Variants in CALD1 observed in about 807,000 individuals in gnomAD.
CALD1 encodes the protein caldesmon.
In CALD1, 33 loss-of-function variants were observed where a neutral mutation model predicts 99.9. The ratio of observed to expected loss-of-function variants is 0.33; its 90% CI spans 0.25 to 0.44. The LOEUF (loss-of-function observed/expected upper bound fraction) is 0.44. Ranked by LOEUF, CALD1 falls within the 20% of genes least tolerant of loss-of-function variation. The pLI is 1.00. For synonymous variants in CALD1, 310 were observed against 325.0 expected (o/e 0.95, Z 0.50); for missense variants, 861 against 962.1 (o/e 0.89, Z 1.39).
intron 3 of CALD1, among the ~76,000 whole-genome samples, chr7:134,890,060 C>A (rs943216655): frequency 1.3e-5 from 2 of 152,126 alleles, no homozygotes; most frequent in South Asian, 4.1e-4. Context: ...AGGCACCTGC[C>A]ACCAAGCCCG....
At chr7:134,768,460 A>T (rs1796846120) in intron 1 of CALD1, among the ~76,000 whole-genome samples, 1 of 152,178 alleles carries the variant, frequency 6.6e-6, no homozygotes, top group Non-Finnish European at 1.5e-5. Flanking sequence ...TATGGTGTCA[A>T]AGCCTTTGTA....
intron 1 of CALD1, among the ~76,000 whole-genome samples, chr7:134,748,708 T>TCCCCCCCC (rs35401566): frequency 1.7e-4 from 22 of 132,332 alleles, no homozygotes; most frequent in Admixed American, 2.3e-4. Flanking sequence ...TGAAACTCCA[T>TCCCCCCCC]CCCCCCGCCC....
chr7:134,935,044 G>A (rs1056492951), intron 5 of CALD1, among the ~76,000 whole-genome samples: 38 of 152,130 alleles, frequency 2.5e-4, no homozygotes, highest in Non-Finnish European at 3.8e-4. Flanking sequence ...CTTGCAGAAA[G>A]CCATTAATTT....
intron 1 of CALD1, among the ~76,000 whole-genome samples, chr7:134,800,902 A>G (rs957105190): frequency 1.3e-5 from 2 of 151,964 alleles, no homozygotes; most frequent in South Asian, 2.1e-4. Context: ...TGAATACACT[A>G]TTTTCTGAAT....
intron 9 of CALD1, among the ~76,000 whole-genome samples, chr7:134,956,153 T>C (rs1476038267): frequency 1.3e-5 from 2 of 152,156 alleles, no homozygotes; most frequent in Admixed American, 6.5e-5. Flanking sequence ...CTTTTGTCTT[T>C]GTAGGAAATC....
intron 2 of CALD1, among the ~76,000 whole-genome samples, chr7:134,850,844 CT>C (rs1214407258): frequency 1.3e-5 from 2 of 152,158 alleles, no homozygotes; most frequent in Non-Finnish European, 1.5e-5. Flanking sequence ...GTAATTGAAT[CT>C]TGGGAGTGGG....
the CALD1 span, among the ~76,000 whole-genome samples, chr7:134,711,658 C>CTATATATATATATA: frequency 4.5e-5 from 3 of 66,950 alleles, no homozygotes; most frequent in African/African-American, 2.0e-4. Flanking sequence ...CTCTCTCTCT[C>CTATATATATATATA]TCTATATATA....
At chr7:134,962,170 T>C (rs1808317847) in intron 13 of CALD1, 1 of 152,108 alleles carries the variant, frequency 6.6e-6, no homozygotes, top group Non-Finnish European at 1.5e-5. Flanking sequence ...AAAAATTTGA[T>C]CCAGAACTTG....
rs978598929 is a variant in CALD1, at chr7:134,781,541, A to T, written c.-130+1792A>T. ...TGAATTTTAGGCAGTTCTTTGTGCT[A>T]CTTCCTTCCTGTTGAATGTTACCTA... is the stretch of plus-strand genomic sequence containing the variant. On this transcript the variant is annotated intron_variant, in intron 1 of 14. Coordinates refer to ENST00000361675, the MANE Select transcript of CALD1 (RefSeq NM_033138.4). 9.9e-5 allele frequency among the ~76,000 whole-genome samples: 15 copies of T among 152,206 alleles called. 1 individual carries two copies. The highest frequency in any genetic ancestry group is 3.6e-4 in the African/African-American group (15 of 41,458).
At chr7:134,936,371 G>C (rs1456469049) in intron 6 of CALD1, among the ~76,000 whole-genome samples, 4 of 152,240 alleles carry the variant, frequency 2.6e-5, no homozygotes, top group African/African-American at 9.6e-5. Flanking sequence ...TATACAGATA[G>C]AATGGCACGG....
At chr7:134,832,944 A>G (rs1478224061) in intron 1 of CALD1, among the ~76,000 whole-genome samples, 1 of 152,176 alleles carries the variant, frequency 6.6e-6, no homozygotes, top group Non-Finnish European at 1.5e-5. Flanking sequence ...TCACATCTTT[A>G]TGTGCCAGAT....
intron 3 of CALD1, among the ~76,000 whole-genome samples, chr7:134,904,626 G>T (rs1803237709): frequency 1.3e-5 from 2 of 152,054 alleles, no homozygotes. Context: ...GTTGGGGCAG[G>T]GAGGACAGCT....
At chr7:134,916,958 A>G (rs1263288145) in intron 3 of CALD1, among the ~76,000 whole-genome samples, 3 of 152,208 alleles carry the variant, frequency 2.0e-5, no homozygotes, top group African/African-American at 7.2e-5. Flanking sequence ...TTGTCTTCAG[A>G]TACGAAAATA....
chr7:134,796,740 T>C (rs994271931), intron 1 of CALD1, among the ~76,000 whole-genome samples: 5 of 152,008 alleles, frequency 3.3e-5, no homozygotes, highest in Non-Finnish European at 5.9e-5. Context: ...CACAGCACCA[T>C]CACGCCAGGC....
intron 3 of CALD1, among the ~76,000 whole-genome samples, chr7:134,903,516 C>T (rs1336936318): frequency 6.6e-6 from 1 of 152,010 alleles, no homozygotes; most frequent in African/African-American, 2.4e-5. Context: ...TTCTGAGAAC[C>T]GTGAGGAAGA....
intron 2 of CALD1, among the ~76,000 whole-genome samples, chr7:134,849,674 T>A (rs912202503): frequency 3.3e-5 from 5 of 152,152 alleles, no homozygotes; most frequent in Admixed American, 6.5e-5. Flanking sequence ...CCCATGGATA[T>A]GGAGAGCTGA....
chr7:134,932,939 AC>A (rs780938122), intron 4 of CALD1, 48 bp from the exon 5 acceptor site: 12 of 1,308,628 alleles, frequency 9.2e-6, no homozygotes, highest in Middle Eastern at 3.8e-4. Flanking sequence ...AATGCTGCTG[AC>A]TGATGAATGA....
intron 1 of CALD1, among the ~76,000 whole-genome samples, chr7:134,769,133 T>C (rs1796855498): frequency 6.6e-6 from 1 of 151,798 alleles, no homozygotes; most frequent in Non-Finnish European, 1.5e-5. Context: ...TTATATATCA[T>C]GGTTTCTGTA....
intron 1 of CALD1, among the ~76,000 whole-genome samples, chr7:134,827,576 T>C (rs1396716526): frequency 6.6e-6 from 1 of 152,222 alleles, no homozygotes; most frequent in African/African-American, 2.4e-5. Flanking sequence ...AACCCAGATC[T>C]GCCTGACTTT....
Sources: allele counts gnomAD v4.1 joint callset (sites outside exome capture counted in the v4.1 genomes callset), GRCh38; gene constraint gnomAD v4.1.1; transcripts MANE v1.5; gene names NCBI Gene and HGNC (gene_info 2026-07-23, HGNC 2026-07-21).